The following CSMD1 variants were observed in gnomAD, a reference collection of about 807,000 sequenced individuals.
CSMD1 encodes CUB and sushi domain-containing protein 1.
Under a neutral mutation model 417.5 loss-of-function variants are expected in CSMD1, and 213 were observed. The observed-to-expected ratio is 0.51, with a 90% CI of 0.46 to 0.57. CSMD1 has a LOEUF of 0.57. CSMD1 is among the 20% of genes least tolerant of loss of function. The pLI is 0.00. For missense variants in CSMD1, 6,923 were observed against 4,529.7 expected (o/e 1.53, Z -15.17); for synonymous variants, 2,862 against 1,736.8 (o/e 1.65, Z -16.11).
chr8:4,300,043 G>C (rs1797896316), intron 3 of CSMD1, among the ~76,000 whole-genome samples: 1 of 152,218 alleles, frequency 6.6e-6, no homozygotes, highest in Non-Finnish European at 1.5e-5. Context: ...CAAAGAGTGA[G>C]AGGAAGAACT....
chr8:4,753,960 C>A (rs1221763099), intron 1 of CSMD1, among the ~76,000 whole-genome samples: 1 of 152,164 alleles, frequency 6.6e-6, no homozygotes, highest in Non-Finnish European at 1.5e-5. Context: ...TTTAAAAAAG[C>A]AAATGAACAG....
rs115742060 is a variant in CSMD1, at chr8:4,206,334, T to A, written c.416-174235A>T. Reference sequence around the variant, plus strand: ...ACATTAGGTATATCTCCTGATGCTATCCCTTTCCCCTCCCCCCAACCCACC... The same window carrying A: ...ACATTAGGTATATCTCCTGATGCTAACCCTTTCCCCTCCCCCCAACCCACC... On this transcript the variant is annotated intron_variant, in intron 3 of 69. Transcript: ENST00000635120. Among the ~76,000 whole-genome samples, 1,131 of 152,212 alleles carry A rather than the reference T, an allele frequency of 7.4e-3. 13 individuals carry two copies. Among genetic ancestry groups the A allele is most frequent in the African/African-American group, 0.026 (1,081 of 41,520 alleles).
chr8:2,940,668 G>C lies in CSMD1; in HGVS notation c.10535+1804C>G, dbSNP rs190209313. On this transcript the variant is annotated intron_variant, in intron 69 of 69. Transcript: ENST00000635120. ...GCCCCCAATGCTACATTGCCTTAAA[G>C]TTAAGATATAATCAGAAGTGATATT... Among the ~76,000 whole-genome samples the C allele has an allele frequency of 6.2e-4, 95 of 152,216 alleles. 1 individual carries two copies. The highest frequency in any genetic ancestry group is 2.9e-3 in the Admixed American group (45 of 15,286).
intron 26 of CSMD1, among the ~76,000 whole-genome samples, chr8:3,248,876 C>G (rs762023606): frequency 8.6e-5 from 13 of 152,002 alleles, no homozygotes; most frequent in Non-Finnish European, 1.6e-4. Flanking sequence ...GACTGAGGTC[C>G]TTGATTCCCG....
intron 5 of CSMD1, among the ~76,000 whole-genome samples, chr8:3,979,845 A>C (rs1282218279): frequency 1.3e-5 from 2 of 152,332 alleles, no homozygotes; most frequent in Non-Finnish European, 2.9e-5. Flanking sequence ...GAAGTGTCTA[A>C]ATTTTCAGAG....
rs376686325 is a variant in CSMD1, at chr8:3,586,170, G to A, written c.1188C>T (p.Leu396=). 7.4e-6 allele frequency: 12 copies of A among 1,612,646 alleles called. No individual in the cohort carries two copies. In the Admixed American group the frequency reaches 1.0e-4, roughly 13 times the overall value. Residue 396 remains leucine (L), a synonymous_variant, in exon 9 of 70, where the codon CTC becomes CTT. Coordinates refer to ENST00000635120, the MANE Select transcript of CSMD1 (RefSeq NM_033225.6). ...SITCQRVTET[L]AAWSDHRPIC... ...TGGGCCTGTGGTCACTCCAAGCAGC[G>A]AGCGTCTCTGTAACTCTCTGACAGG...
In CSMD1 at chr8:4,965,193, A is replaced by T. The variant is rs191993921; in HGVS notation, c.85+29139T>A. Among the ~76,000 whole-genome samples the T allele has an allele frequency of 2.5e-4, 38 of 152,350 alleles. No homozygotes were observed. In the East Asian group the frequency reaches 7.1e-3, roughly 29 times the overall value. ...ATGAGTTATGTATCTAAGAAAACACACATGAAGGGCCTCTGATATAAGGAT... is the reference window on the plus strand; with the variant it reads ...ATGAGTTATGTATCTAAGAAAACACTCATGAAGGGCCTCTGATATAAGGAT... On this transcript the variant is annotated intron_variant, in intron 1 of 69. Transcript: ENST00000635120.
chr8:3,546,255 A>C (rs76208475), intron 10 of CSMD1, among the ~76,000 whole-genome samples: 2 of 141,928 alleles, frequency 1.4e-5, no homozygotes, highest in Non-Finnish European at 3.1e-5. Flanking sequence ...GGCCACGTGA[A>C]TTTTTCCTCT....
intron 26 of CSMD1, among the ~76,000 whole-genome samples, chr8:3,234,071 A>C (rs1440063692): frequency 6.6e-6 from 1 of 152,106 alleles, no homozygotes; most frequent in African/African-American, 2.4e-5. Flanking sequence ...TGATATTTTC[A>C]ACCTCAGAAA....
At chr8:4,322,101 A>C (rs1443133647) in intron 3 of CSMD1, among the ~76,000 whole-genome samples, 2 of 152,162 alleles carry the variant, frequency 1.3e-5, no homozygotes, top group African/African-American at 4.8e-5. Context: ...TAATTACATA[A>C]ATACTTAATA....
At chr8:4,624,636 C>T (rs1449190980) in intron 2 of CSMD1, among the ~76,000 whole-genome samples, 2 of 152,162 alleles carry the variant, frequency 1.3e-5, no homozygotes, top group African/African-American at 4.8e-5. Context: ...TGCCTGGCAA[C>T]GGTGGGTCGG....
rs146883032 is a variant in CSMD1, at chr8:3,655,809, T to A, written c.1010-39012A>T. ...GAGTCTAATAGCAAGAAAGAAAGTC[T>A]TCCAATATTTTCAGGACTGATGCAA... On this transcript the variant is annotated intron_variant, in intron 7 of 69. Transcript: ENST00000635120. Among the ~76,000 whole-genome samples, 553 of 152,248 alleles carry A rather than the reference T, an allele frequency of 3.6e-3. 3 individuals are homozygous for A. Among genetic ancestry groups the A allele is most frequent in the African/African-American group, 0.013 (530 of 41,540 alleles).
chr8:3,333,592 A>C (rs1319083593), intron 23 of CSMD1, among the ~76,000 whole-genome samples: 1 of 152,234 alleles, frequency 6.6e-6, no homozygotes, highest in Admixed American at 6.5e-5. Context: ...AGAGCAGCAT[A>C]ATATGTTTGC....
chr8:3,863,891 C>G (rs905773509), intron 5 of CSMD1, among the ~76,000 whole-genome samples: 1 of 151,984 alleles, frequency 6.6e-6, no homozygotes, highest in Non-Finnish European at 1.5e-5. Context: ...CGTATGATGA[C>G]TATAAAACTG....
intron 63 of CSMD1, 21 bp from the exon 64 acceptor site, chr8:2,955,789 A>G (rs1460778183): frequency 6.2e-7 from 1 of 1,606,990 alleles, no homozygotes; most frequent in South Asian, 1.1e-5. Flanking sequence ...ATTAGGAAAC[A>G]TTGAGACTTT....
chr8:4,964,725 G>GA (rs990964799), intron 1 of CSMD1, among the ~76,000 whole-genome samples: 3 of 151,670 alleles, frequency 2.0e-5, no homozygotes, highest in South Asian at 2.1e-4. Flanking sequence ...AAGCCAAACT[G>GA]AAAAAAAATG....
chr8:3,716,488 CGTAAACT>C (rs1031515972), intron 6 of CSMD1, among the ~76,000 whole-genome samples: 1 of 152,126 alleles, frequency 6.6e-6, no homozygotes, highest in African/African-American at 2.4e-5. Context: ...ATGCTGCATT[CGTAAACT>C]GTAAACTGTC....
intron 26 of CSMD1, among the ~76,000 whole-genome samples, chr8:3,271,425 T>C (rs927925979): frequency 1.3e-4 from 20 of 151,660 alleles, no homozygotes; most frequent in South Asian, 4.2e-4. Flanking sequence ...ATGATTTATA[T>C]TCCTTTGGGT....
rs539062595 is a variant in CSMD1 at position 3,756,241 on chromosome 8, TA to T, written c.819-2200del. On this transcript the variant is annotated intron_variant, in intron 5 of 69. Coordinates refer to ENST00000635120, the MANE Select transcript of CSMD1 (RefSeq NM_033225.6). ...GGTGGCGGGCGCCTGTAGTCCCAGC[TA>T]CTCGGGAGGCTGAGGCAGGAGAATG... Among the ~76,000 whole-genome samples the T allele has an allele frequency of 1.7e-3, 252 of 151,806 alleles. 1 individual carries two copies. Among genetic ancestry groups the T allele is most frequent in the African/African-American group, 5.8e-3 (239 of 41,398 alleles).
Sources: allele counts gnomAD v4.1 joint callset (sites outside exome capture counted in the v4.1 genomes callset), GRCh38; gene constraint gnomAD v4.1.1; transcripts MANE v1.5; gene names NCBI Gene and HGNC (gene_info 2026-07-23, HGNC 2026-07-21).